The following SLC25A48 variants were observed in gnomAD, a reference collection of about 807,000 sequenced individuals.
SLC25A48 encodes solute carrier family 25 member 48.
In SLC25A48, 29 loss-of-function variants were observed where a neutral mutation model predicts 32.2. That is an observed-to-expected ratio of 0.90 (90% CI 0.67 to 1.23). The LOEUF (loss-of-function observed/expected upper bound fraction) is 1.23. Among genes scored for constraint, SLC25A48 ranks in the 50% most tolerant of loss-of-function variants. The probability of loss-of-function intolerance (pLI) is 0.00; values close to 1 mark genes in which losing one functional copy is unlikely to be tolerated. For synonymous variants in SLC25A48, 164 were observed against 172.3 expected (o/e 0.95, Z 0.38); for missense variants, 399 against 422.7 (o/e 0.94, Z 0.49).
At position 135,880,014 on chromosome 5, in the gene SLC25A48, T is replaced by A; in HGVS notation, c.860T>A (p.Met287Lys). The A allele has an allele frequency of 6.5e-7, 1 of 1,536,328 alleles. No homozygotes were observed. The highest frequency in any genetic ancestry group is 8.7e-7 in the Non-Finnish European group (1 of 1,146,928). Residue 287 changes from methionine (M) to lysine (K), a missense_variant, in exon 7 of 8, where the codon ATG (methionine) becomes AAG (lysine). Met to Lys is a moderately conservative substitution (Grantham distance 95). Transcript: ENST00000681962. The stretch of plus-strand genomic sequence containing the variant: ...GTGAACGCGGTGCGGGGCTTCCCCA[T>A]GAGTGCGGCCATGTTCCTTGGGTAC... ...ITVNAVRGFP[M>K]SAAMFLGYEL...
Position 135,751,951 on chromosome 5 carries a change from A to T in SLC25A48, c.-520-60572A>T, listed in dbSNP as rs191980459. ...TTTTTCAACCAATGGTATTGGAACAATTGGATATCCAAACAGAAAAAAATG... is the reference window on the plus strand; with the variant it reads ...TTTTTCAACCAATGGTATTGGAACATTTGGATATCCAAACAGAAAAAAATG... On this transcript the variant is annotated intron_variant, in intron 3 of 10. Coordinates refer to the SLC25A48 transcript ENST00000646290. Among the ~76,000 whole-genome samples the T allele has an allele frequency of 4.3e-3, 649 of 152,340 alleles. 3 individuals are homozygous for T. Among genetic ancestry groups the T allele is most frequent in the African/African-American group, 0.014 (593 of 41,586 alleles).
intron 3 of SLC25A48, among the ~76,000 whole-genome samples, chr5:135,653,132 AC>A (rs1372122654): frequency 6.6e-6 from 1 of 152,200 alleles, no homozygotes; most frequent in Non-Finnish European, 1.5e-5. Context: ...CTGATCTTGG[AC>A]TTTCCAGCCT....
intron 3 of SLC25A48, among the ~76,000 whole-genome samples, chr5:135,699,789 G>A (rs1271618625): frequency 6.6e-6 from 1 of 152,214 alleles, no homozygotes; most frequent in Admixed American, 6.5e-5. Context: ...CTTGGTAAGT[G>A]TTGAGAGAGG....
intron 3 of SLC25A48, among the ~76,000 whole-genome samples, chr5:135,761,984 G>A (rs1756072339): frequency 6.6e-6 from 1 of 152,184 alleles, no homozygotes; most frequent in South Asian, 2.1e-4. Flanking sequence ...CTGCATCTGT[G>A]AACCTGATAT....
chr5:135,860,574 A>G lies in SLC25A48; in HGVS notation c.421+7753A>G, dbSNP rs76020476. ...CAAAAAGGTAGATTTTTTTCATGAGATATTTTGGTTGGAATGATCATGTAA... is the reference window on the plus strand; with the variant it reads ...CAAAAAGGTAGATTTTTTTCATGAGGTATTTTGGTTGGAATGATCATGTAA... On this transcript the variant is annotated intron_variant, in intron 4 of 7. Transcript: ENST00000681962. Among the ~76,000 whole-genome samples, 63 of 152,218 alleles carry G rather than the reference A, an allele frequency of 4.1e-4. 1 individual carries two copies. In the East Asian group the frequency reaches 0.01, roughly 25 times the overall value.
chr5:135,610,047 A>G (rs981400506), intron 1 of SLC25A48, among the ~76,000 whole-genome samples: 16 of 152,216 alleles, frequency 1.1e-4, no homozygotes, highest in African/African-American at 3.4e-4. Context: ...AGCAAAAGCA[A>G]GACAGGTATA....
chr5:135,838,920 C>A (rs907372916), intron 1 of SLC25A48, among the ~76,000 whole-genome samples: 1 of 152,210 alleles, frequency 6.6e-6, no homozygotes, highest in Non-Finnish European at 1.5e-5. Flanking sequence ...GAGTCCCACA[C>A]AGAGTCCCCA....
chr5:135,726,042 C>T (rs1395097215), intron 3 of SLC25A48, among the ~76,000 whole-genome samples: 5 of 152,178 alleles, frequency 3.3e-5, no homozygotes, highest in Admixed American at 6.5e-5. Flanking sequence ...AGGATCTCCC[C>T]GTGAAGAGAC....
At chr5:135,588,563 C>T (rs1461819960) in intron 1 of SLC25A48, among the ~76,000 whole-genome samples, 5 of 152,110 alleles carry the variant, frequency 3.3e-5, no homozygotes, top group East Asian at 1.9e-4. Flanking sequence ...GTTACGGATG[C>T]GAGGATTCCA....
At chr5:135,643,796 T>C (rs1285645344) in intron 3 of SLC25A48, among the ~76,000 whole-genome samples, 1 of 152,244 alleles carries the variant, frequency 6.6e-6, no homozygotes. Flanking sequence ...TTTACTGCAC[T>C]AATATGTGGC....
At chr5:135,815,118 G>A (rs942662133) in intron 4 of SLC25A48, among the ~76,000 whole-genome samples, 2 of 152,204 alleles carry the variant, frequency 1.3e-5, no homozygotes, top group African/African-American at 4.8e-5. Flanking sequence ...GACTTTCACA[G>A]CATCTGTGAG....
intron 4 of SLC25A48, chr5:135,825,081 A>G (rs1344982904): frequency 6.6e-6 from 1 of 152,218 alleles, no homozygotes; most frequent in East Asian, 1.9e-4. Flanking sequence ...CAGCAGCAAC[A>G]ATAAAGCCAT....
intron 3 of SLC25A48, among the ~76,000 whole-genome samples, chr5:135,757,815 T>C (rs912487248): frequency 2.0e-5 from 3 of 150,320 alleles, no homozygotes; most frequent in African/African-American, 7.3e-5. Context: ...AAGATATTAA[T>C]AAAATATCTA....
intron 3 of SLC25A48, among the ~76,000 whole-genome samples, chr5:135,733,038 CT>C (rs1215027588): frequency 1.3e-5 from 2 of 152,168 alleles, no homozygotes; most frequent in Admixed American, 6.5e-5. Flanking sequence ...AAATTTCTTT[CT>C]GCCCATATAA....
intron 3 of SLC25A48, among the ~76,000 whole-genome samples, chr5:135,778,256 G>A (rs898393459): frequency 1.3e-5 from 2 of 151,736 alleles, no homozygotes; most frequent in African/African-American, 4.8e-5. Context: ...CGGAGAAAAA[G>A]GATGATATTG....
intron 5 of SLC25A48, among the ~76,000 whole-genome samples, chr5:135,873,126 C>T (rs1761792527): frequency 6.6e-6 from 1 of 152,182 alleles, no homozygotes; most frequent in Non-Finnish European, 1.5e-5. Flanking sequence ...GCAGAAGGCA[C>T]AGGTTTAGAG....
intron 3 of SLC25A48, among the ~76,000 whole-genome samples, chr5:135,683,377 A>G (rs1336960779): frequency 6.6e-6 from 1 of 152,240 alleles, no homozygotes; most frequent in Admixed American, 6.5e-5. Context: ...CTCACTGGAA[A>G]GTCCCAATCC....
chr5:135,650,762 A>G (rs1388428122), intron 3 of SLC25A48, among the ~76,000 whole-genome samples: 1 of 151,956 alleles, frequency 6.6e-6, no homozygotes, highest in Non-Finnish European at 1.5e-5. Flanking sequence ...CTTTGGATTG[A>G]GCCTGTCATC....
chr5:135,798,036 T>A (rs1757231118), intron 3 of SLC25A48, among the ~76,000 whole-genome samples: 2 of 151,928 alleles, frequency 1.3e-5, no homozygotes, highest in South Asian at 2.1e-4. Context: ...TCCCGTGATA[T>A]TCTTTTTAAT....
Sources: gnomAD v4.1 joint callset for allele counts (sites outside exome capture counted in the v4.1 genomes callset) on GRCh38, gnomAD v4.1.1 for gene constraint, MANE v1.5 for transcripts, NCBI Gene and HGNC (gene_info 2026-07-23, HGNC 2026-07-21) for gene names.